ZNF880: variants seen among roughly 807,000 people sequenced by gnomAD.
ZNF880 encodes zinc finger protein 880.
In ZNF880, 12 loss-of-function variants were observed where a neutral mutation model predicts 11.8. The observed-to-expected ratio is 1.02, with a 90% CI of 0.65 to 1.65. The LOEUF is 1.65. ZNF880 is among the 40% of genes most tolerant of loss of function. ZNF880 has a pLI of 0.00. For missense variants in ZNF880, 601 were observed against 673.9 expected (o/e 0.89, Z 1.20); for synonymous variants, 210 against 232.4 (o/e 0.90, Z 0.88).
chr19:52,371,926 A>G (rs1347175457), intron 1 of ZNF880, among the ~76,000 whole-genome samples: 2 of 151,934 alleles, frequency 1.3e-5, no homozygotes, highest in African/African-American at 4.8e-5. Context: ...GAGGTAGCTT[A>G]CGCCTGTAAT....
At chr19:52,396,121 ATTTT>A in the ZNF880 span, among the ~76,000 whole-genome samples, 6 of 120,612 alleles carry the variant, frequency 5.0e-5, no homozygotes, top group Admixed American at 1.8e-4. Flanking sequence ...TGCCTGGCTA[ATTTT>A]TTTTTTTTTT....
chr19:52,379,328 A>ATTAAGATAATATAT, intron 3 of ZNF880: 1 of 390,476 alleles, frequency 2.6e-6, no homozygotes, highest in Non-Finnish European at 5.0e-6. Context: ...CCTTTACCTG[A>ATTAAGATAATATAT]TTAAGATATT....
chr19:52,379,598 C>T lies in ZNF880; in HGVS notation c.269-4251C>T, dbSNP rs1986653524. On this transcript the variant is annotated intron_variant, in intron 3 of 3. Coordinates refer to ENST00000422689, the MANE Select transcript of ZNF880 (RefSeq NM_001145434.2). ...TTTTTAGAGACAGGGTTTCACTCTG[C>T]TGCCCAGGCTAGATGGCAGTGGTGC... 3 of 340,186 alleles carry T rather than the reference C, an allele frequency of 8.8e-6. No homozygotes were observed. In the Admixed American group the frequency reaches 1.2e-4, roughly 14 times the overall value. The allele number at this position is 340,186 out of a possible 1,614,324, so 21.1% of individuals were successfully genotyped here. A position where few individuals can be genotyped will look rare whatever the true frequency, so the allele number is the denominator to read the frequency against.
chr19:52,374,355 C>T lies in ZNF880; in HGVS notation c.196C>T (p.Arg66Trp), dbSNP rs763197895. ...CATGTTGGAGCAAAGGAGAGATCCC[C>T]GGAATCTGCAGAGTGAAGTGAAAAT... Reference protein sequence around the residue: ...ISMLEQRRDPRNLQSEVKIAN... With the variant: ...ISMLEQRRDPWNLQSEVKIAN... Residue 66 changes from arginine to tryptophan, a missense_variant, in exon 3 of 4, where the codon CGG becomes TGG. Physicochemically the swap from Arg to Trp is moderately radical, Grantham distance 101. Transcript: ENST00000422689. 17 of 1,613,422 alleles carry T rather than the reference C, an allele frequency of 1.1e-5. No homozygotes were observed. The highest frequency in any genetic ancestry group is 2.2e-5 in the East Asian group (1 of 44,866).
chr19:52,377,822 G>A (rs1056450246), intron 3 of ZNF880, among the ~76,000 whole-genome samples: 4 of 152,234 alleles, frequency 2.6e-5, no homozygotes, highest in African/African-American at 7.2e-5. Flanking sequence ...GGAAGATCTC[G>A]TGACCCCATA....
chr19:52,393,975 T>C, the ZNF880 span, among the ~76,000 whole-genome samples: 1 of 151,638 alleles, frequency 6.6e-6, no homozygotes, highest in Admixed American at 6.6e-5. Flanking sequence ...TAGCTGGGAC[T>C]ACAGGCACCC....
intron 3 of ZNF880, chr19:52,374,673 C>T: frequency 1.6e-6 from 1 of 640,662 alleles, no homozygotes; most frequent in Non-Finnish European, 2.8e-6. Flanking sequence ...GAGCTCTCTG[C>T]AAGTGAGAGA....
chr19:52,386,171 CAAAAAAAA>C (rs10674709), downstream of ZNF880, among the ~76,000 whole-genome samples: 3 of 77,358 alleles, frequency 3.9e-5, 1 homozygote, highest in African/African-American at 1.8e-4. Flanking sequence ...GACTCTGTCT[CAAAAAAAA>C]AAAAAAAAAG....
At chr19:52,367,131 C>CT (rs71335642), upstream of ZNF880, 8,782 of 174,188 alleles carry the variant, frequency 0.05, 271 homozygotes, top group South Asian at 0.09. Context: ...TTAGTTTTTT[C>CT]TTTTTTTTTT....
At chr19:52,371,674 C>A (rs747935551) in intron 1 of ZNF880, among the ~76,000 whole-genome samples, 1 of 152,060 alleles carries the variant, frequency 6.6e-6, no homozygotes, top group African/African-American at 2.4e-5. Flanking sequence ...CCACGCCTGG[C>A]CTAATTCTTA....
At chr19:52,378,724 A>G (rs1031297619) in intron 3 of ZNF880, among the ~76,000 whole-genome samples, 1 of 152,008 alleles carries the variant, frequency 6.6e-6, no homozygotes, top group Non-Finnish European at 1.5e-5. Context: ...CTAGAATGAT[A>G]CATCTGGTTA....
intron 1 of ZNF880, 96 bp from the exon 2 acceptor site, chr19:52,373,015 G>T (rs1986433413): frequency 3.1e-6 from 4 of 1,295,158 alleles, no homozygotes; most frequent in Non-Finnish European, 3.3e-6. Flanking sequence ...CCTTAACGTG[G>T]ATTTGTCAGA....
Position 52,384,982 on chromosome 19 carries a change from GAA to G in ZNF880, c.1403_1404del (p.Glu468ValfsTer28). Reference sequence around the variant, plus strand: ...TGGAGAGAAACCTTACAGATGTGATGAATGTGGCAAGGACTTCACTCGAAATT... The same window carrying G: ...TGGAGAGAAACCTTACAGATGTGATGTGTGGCAAGGACTTCACTCGAAATT... ...HTGEKPYRCD[E>X]CGKDFTRNSN... is the part of the protein sequence containing the mutation. On this transcript the variant is annotated frameshift_variant, in exon 4 of 4. Transcript: ENST00000422689. LOFTEE classifies it low-confidence loss of function (END_TRUNC). 1 of 1,567,070 alleles carries G rather than the reference GAA, an allele frequency of 6.4e-7. No homozygotes were observed. The highest frequency in any genetic ancestry group is 1.2e-5 in the South Asian group (1 of 85,652).
Position 52,384,867 on chromosome 19 carries a change from TC to T in ZNF880, c.1288del (p.His430ThrfsTer22). The T allele has an allele frequency of 3.3e-6, 5 of 1,536,696 alleles. No homozygotes were observed. Among genetic ancestry groups the T allele is most frequent in the African/African-American group, 1.5e-5 (1 of 65,530 alleles). On this transcript the variant is annotated frameshift_variant, in exon 4 of 4. Coordinates refer to ENST00000422689, the MANE Select transcript of ZNF880 (RefSeq NM_001145434.2). LOFTEE classifies it low-confidence loss of function (END_TRUNC). ...CSGLTAHLLI[H>X]TGEKPYKCKE... The stretch of plus-strand genomic sequence containing the variant: ...CAGGCCTTACTGCCCATCTACTAAT[TC>T]ACACTGGAGAGAAACCTTACAAATG...
chr19:52,370,027 G>A, intron 1 of ZNF880, 50 bp downstream of exon 1: 1 of 1,550,992 alleles, frequency 6.4e-7, no homozygotes, highest in Non-Finnish European at 8.7e-7. Flanking sequence ...GTCCCCTCGC[G>A]CTTCTGTACC....
intron 3 of ZNF880, among the ~76,000 whole-genome samples, chr19:52,383,531 T>C (rs1986763326): frequency 6.6e-6 from 1 of 152,204 alleles, no homozygotes; most frequent in East Asian, 1.9e-4. Flanking sequence ...CTAATGACTA[T>C]ACAGCTGCTC....
upstream of ZNF880, among the ~76,000 whole-genome samples, chr19:52,368,457 A>G (rs912716299): frequency 6.6e-6 from 1 of 152,114 alleles, no homozygotes; most frequent in African/African-American, 2.4e-5. Flanking sequence ...GATCTTGAGA[A>G]TGATGATCCC....
Position 52,384,107 on chromosome 19 carries a change from A to G in ZNF880, c.527A>G (p.Lys176Arg). 1 of 1,597,182 alleles carries G rather than the reference A, an allele frequency of 6.3e-7. No homozygotes were observed. The highest frequency in any genetic ancestry group is 8.5e-7 in the Non-Finnish European group (1 of 1,171,160). ...DDSPFLPQEQKAQIREKPCEC... is the reference protein window; with the variant it reads ...DDSPFLPQEQRAQIREKPCEC... Reference sequence around the variant, plus strand: ...TCTCCATTTCTCCCACAAGAACAAAAAGCACAAATAAGGGAAAAACCGTGT... The same window carrying G: ...TCTCCATTTCTCCCACAAGAACAAAGAGCACAAATAAGGGAAAAACCGTGT... The change falls in exon 4 of 4, where the codon AAA (lysine) becomes AGA (arginine). Residue 176 changes from lysine to arginine, a missense_variant. Physicochemically the swap from Lys to Arg is conservative, Grantham distance 26. Around this residue, in one of 3 missense-constraint regions of ZNF880, gnomAD observed 420 missense variants for 442.6 expected, o/e 0.95. Coordinates refer to ENST00000422689, the MANE Select transcript of ZNF880 (RefSeq NM_001145434.2).
Position 52,384,738 on chromosome 19 carries a change from C to G in ZNF880, c.1158C>G (p.Gly386=). The change falls in exon 4 of 4, where the codon GGC becomes GGG. Residue 386 remains glycine, a synonymous_variant. Transcript: ENST00000422689. ...AACCTTATGAATGTAAAGAATGTGG[C>G]AAGGTCTTCAGGCACAAGTTTTGTC... ...GEKPYECKEC[G]KVFRHKFCLT... 6.2e-7 allele frequency: 1 copy of G among 1,613,134 alleles called. No homozygotes were observed. Among genetic ancestry groups the G allele is most frequent in the Non-Finnish European group, 8.5e-7 (1 of 1,179,778 alleles).
Sources: allele counts gnomAD v4.1 joint callset (sites outside exome capture counted in the v4.1 genomes callset), GRCh38; gene constraint gnomAD v4.1.1; regional missense constraint gnomAD v4.1.1; transcripts MANE v1.5; gene names NCBI Gene and HGNC (gene_info 2026-07-23, HGNC 2026-07-21).